The following CADPS2 variants were observed in gnomAD, a reference collection of about 807,000 sequenced individuals.
CADPS2 encodes the protein calcium-dependent secretion activator 2.
In CADPS2, 93 loss-of-function variants were observed where a neutral mutation model predicts 172.5. The ratio of observed to expected loss-of-function variants is 0.54; its 90% CI spans 0.46 to 0.64. The LOEUF (loss-of-function observed/expected upper bound fraction) is 0.64, where lower values mean the gene tolerates loss of function less well. CADPS2 is among the 30% of genes least tolerant of loss of function. The pLI, the probability that CADPS2 is intolerant of heterozygous loss-of-function variation, is 0.00. For synonymous variants in CADPS2, 546 were observed against 555.2 expected, an observed-to-expected ratio of 0.98 and a Z score of 0.23; for missense variants, 1,420 against 1,565.9, an observed-to-expected ratio of 0.91 and a Z score of 1.57.
At chr7:122,460,876 T>A (rs898969228) in intron 14 of CADPS2, among the ~76,000 whole-genome samples, 3 of 152,154 alleles carry the variant, frequency 2.0e-5, no homozygotes, top group African/African-American at 7.2e-5. Flanking sequence ...ACAGTAGATG[T>A]CAGAGCTGAA....
intron 28 of CADPS2, among the ~76,000 whole-genome samples, chr7:122,326,535 A>G (rs1460715397): frequency 6.6e-6 from 1 of 152,122 alleles, no homozygotes; most frequent in Non-Finnish European, 1.5e-5. Context: ...AGAAATATCA[A>G]TGTCCACTCA....
At chr7:122,703,298 T>C (rs1379204924) in intron 2 of CADPS2, among the ~76,000 whole-genome samples, 1 of 152,112 alleles carries the variant, frequency 6.6e-6, no homozygotes, top group Admixed American at 6.6e-5. Context: ...GTTGCCAGTT[T>C]TCATGCATGG....
At chr7:122,793,329 A>G (rs1589235671) in intron 1 of CADPS2, among the ~76,000 whole-genome samples, 1 of 152,172 alleles carries the variant, frequency 6.6e-6, no homozygotes, top group African/African-American at 2.4e-5. Context: ...GTGCATATAC[A>G]TTTAAGATAG....
intron 22 of CADPS2, among the ~76,000 whole-genome samples, chr7:122,390,649 T>G (rs1475459160): frequency 6.6e-6 from 1 of 152,076 alleles, no homozygotes; most frequent in Non-Finnish European, 1.5e-5. Flanking sequence ...ATGGTAAGAT[T>G]CTTGACAATA....
intron 6 of CADPS2, among the ~76,000 whole-genome samples, chr7:122,590,700 T>C (rs1039206514): frequency 3.3e-5 from 5 of 151,828 alleles, no homozygotes; most frequent in African/African-American, 1.2e-4. Context: ...AACAGATTGA[T>C]TCATAAAAAA....
intron 7 of CADPS2, among the ~76,000 whole-genome samples, chr7:122,566,972 C>A (rs1176542444): frequency 6.6e-6 from 1 of 152,094 alleles, no homozygotes. Flanking sequence ...AAAAGGATAA[C>A]AATACAGTAG....
intron 1 of CADPS2, among the ~76,000 whole-genome samples, chr7:122,850,659 C>T (rs1584917403): frequency 6.6e-6 from 1 of 152,208 alleles, no homozygotes; most frequent in African/African-American, 2.4e-5. Flanking sequence ...GTAGGGAACT[C>T]TGGGGGTCCC....
chr7:122,381,464 T>C (rs13242616), intron 24 of CADPS2, among the ~76,000 whole-genome samples: 86,415 of 151,956 alleles, frequency 0.57, 24,971 homozygotes, highest in South Asian at 0.66. Context: ...TTCTCTGTTT[T>C]CATAACTTCC....
chr7:122,809,420 G>A (rs974922314), intron 1 of CADPS2, among the ~76,000 whole-genome samples: 91 of 144,462 alleles, frequency 6.3e-4, no homozygotes, highest in Admixed American at 1.1e-3. Context: ...AAAAAAAAAA[G>A]AAAAAAAAAA....
chr7:122,822,309 C>T (rs901476180), intron 1 of CADPS2, among the ~76,000 whole-genome samples: 2 of 152,080 alleles, frequency 1.3e-5, no homozygotes, highest in Non-Finnish European at 2.9e-5. Flanking sequence ...CAGGCCATCA[C>T]CAATCATTCT....
At chr7:122,838,022 A>T (rs2140850533) in intron 1 of CADPS2, among the ~76,000 whole-genome samples, 1 of 152,336 alleles carries the variant, frequency 6.6e-6, no homozygotes, top group South Asian at 2.1e-4. Flanking sequence ...TTGATGCAAA[A>T]ATCCTCAATA....
intron 20 of CADPS2, among the ~76,000 whole-genome samples, chr7:122,400,206 C>T (rs955985950): frequency 1.3e-5 from 2 of 151,720 alleles, no homozygotes; most frequent in Middle Eastern, 3.2e-3. Context: ...GAGGCCGAGG[C>T]GGGTGGATCA....
chr7:122,559,893 G>T (rs1269588565), intron 7 of CADPS2, among the ~76,000 whole-genome samples: 1 of 152,090 alleles, frequency 6.6e-6, no homozygotes, highest in East Asian at 1.9e-4. Flanking sequence ...CAGTCACCAA[G>T]GAGGCAGAAG....
intron 7 of CADPS2, among the ~76,000 whole-genome samples, chr7:122,572,924 C>T (rs1370020920): frequency 1.3e-5 from 2 of 152,074 alleles, no homozygotes; most frequent in Non-Finnish European, 2.9e-5. Context: ...CCTCTATTTC[C>T]GTAAATAGGT....
At chr7:122,434,350 A>G (rs1420717022) in intron 17 of CADPS2, among the ~76,000 whole-genome samples, 2 of 152,122 alleles carry the variant, frequency 1.3e-5, no homozygotes, top group Non-Finnish European at 2.9e-5. Flanking sequence ...GAAAAAAAAA[A>G]GAAAGAAATA....
intron 14 of CADPS2, among the ~76,000 whole-genome samples, chr7:122,453,235 C>G (rs2053358409): frequency 6.6e-6 from 1 of 152,074 alleles, no homozygotes. Flanking sequence ...AAATATTAGT[C>G]TCTCAAGTAT....
chr7:122,405,256 A>T (rs1246008241), intron 20 of CADPS2, among the ~76,000 whole-genome samples: 1 of 152,248 alleles, frequency 6.6e-6, no homozygotes, highest in African/African-American at 2.4e-5. Flanking sequence ...AGATAATATT[A>T]AAAACCTGAC....
At chr7:122,821,278 A>C (rs1803201428) in intron 1 of CADPS2, among the ~76,000 whole-genome samples, 1 of 152,138 alleles carries the variant, frequency 6.6e-6, no homozygotes, top group Non-Finnish European at 1.5e-5. Context: ...CAGCAAAGGC[A>C]GGTTATGCTA....
intron 2 of CADPS2, among the ~76,000 whole-genome samples, chr7:122,672,869 T>G (rs1198342878): frequency 1.3e-5 from 2 of 152,222 alleles, no homozygotes; most frequent in African/African-American, 4.8e-5. Context: ...CTTGCTGACT[T>G]CAATAATGAA....
Sources: allele counts gnomAD v4.1 joint callset (sites outside exome capture counted in the v4.1 genomes callset), GRCh38; gene constraint gnomAD v4.1.1; transcripts MANE v1.5; gene names NCBI Gene and HGNC (gene_info 2026-07-23, HGNC 2026-07-21).